The following KDM4B variants were observed in gnomAD, a reference collection of about 807,000 sequenced individuals.
KDM4B encodes lysine demethylase 4B.
Under a neutral mutation model 125.2 loss-of-function variants are expected in KDM4B, and 32 were observed. The observed-to-expected ratio is 0.26, with a 90% confidence interval of 0.19 to 0.34. KDM4B has a LOEUF of 0.34. Ranked by LOEUF, KDM4B falls within the 10% of genes least tolerant of loss-of-function variation. KDM4B has a pLI of 1.00. For synonymous variants in KDM4B, 721 were observed against 677.9 expected, an observed-to-expected ratio of 1.06 and a Z score of -0.99; for missense variants, 1,190 against 1,577.7, an observed-to-expected ratio of 0.75 and a Z score of 4.16.
At chr19:5,120,837 C>T (rs1261509089) in intron 11 of KDM4B, among the ~76,000 whole-genome samples, 1 of 152,166 alleles carries the variant, frequency 6.6e-6, no homozygotes, top group African/African-American at 2.4e-5. Flanking sequence ...CAGCCTGCCT[C>T]CCACCAAGGG....
chr19:5,005,509 C>G (rs149177485), intron 1 of KDM4B, among the ~76,000 whole-genome samples: 51 of 152,092 alleles, frequency 3.4e-4, no homozygotes, highest in African/African-American at 1.2e-3. Flanking sequence ...ATGGGGAGCC[C>G]CCTTTACAGA....
chr19:5,103,247 G>A (rs1385437444), intron 9 of KDM4B, among the ~76,000 whole-genome samples: 1 of 152,236 alleles, frequency 6.6e-6, no homozygotes, highest in Non-Finnish European at 1.5e-5. Flanking sequence ...AGCCAATTTC[G>A]CTTGGCACGA....
intron 6 of KDM4B, among the ~76,000 whole-genome samples, chr19:5,061,785 C>T (rs1012130989): frequency 1.3e-5 from 2 of 150,888 alleles, no homozygotes; most frequent in African/African-American, 2.4e-5. Flanking sequence ...GGGAGTATTG[C>T]TTGAGCCTGG....
At chr19:5,013,948 G>T (rs77587977) in intron 1 of KDM4B, among the ~76,000 whole-genome samples, 1 of 152,198 alleles carries the variant, frequency 6.6e-6, no homozygotes, top group Non-Finnish European at 1.5e-5. Context: ...GCACTTGGCC[G>T]CTCATCTGGC....
In KDM4B at chr19:5,017,876, G is replaced by A. The variant is rs543410207; in HGVS notation, c.-26+1537G>A. On this transcript the variant is annotated intron_variant, in intron 2 of 22. Transcript: ENST00000159111. ...CTGCCTCAGCCTCCCTAGTAGCTGG[G>A]ACTACACGAGCCTGCCACCACGCCC... Among the ~76,000 whole-genome samples, 13 of 151,924 alleles carry A rather than the reference G, an allele frequency of 8.6e-5. No individual in the cohort carries two copies. In the Admixed American group the frequency reaches 8.6e-4, roughly 10 times the overall value.
chr19:5,143,035 C>T (rs145592184), intron 18 of KDM4B, among the ~76,000 whole-genome samples: 2 of 152,106 alleles, frequency 1.3e-5, no homozygotes, highest in Admixed American at 6.5e-5. Flanking sequence ...TATTAAAAGC[C>T]GATGTAAAGG....
intron 1 of KDM4B, among the ~76,000 whole-genome samples, chr19:4,978,087 C>A (rs939997333): frequency 6.6e-6 from 1 of 152,152 alleles, no homozygotes; most frequent in Admixed American, 6.5e-5. Flanking sequence ...AGAAGATTGC[C>A]GTCCCTAGCA....
chr19:4,980,378 G>T (rs2034593580), intron 1 of KDM4B, among the ~76,000 whole-genome samples: 1 of 149,374 alleles, frequency 6.7e-6, no homozygotes, highest in South Asian at 2.1e-4. Context: ...TTCTCAAGGT[G>T]TATCCACGCA....
chr19:5,131,665 G>GTGGGGTGGGGC, intron 12 of KDM4B, 120 bp downstream of exon 12: 1 of 634,796 alleles, frequency 1.6e-6, no homozygotes, highest in Non-Finnish European at 2.7e-6. Flanking sequence ...GAGGGGACAG[G>GTGGGGTGGGGC]AGGGCTGACT....
intron 18 of KDM4B, among the ~76,000 whole-genome samples, chr19:5,138,924 C>T (rs779642919): frequency 1.2e-4 from 18 of 152,290 alleles, no homozygotes; most frequent in Admixed American, 2.6e-4. Context: ...CTTCTGCGAC[C>T]GGCTTCTTTC....
intron 3 of KDM4B, among the ~76,000 whole-genome samples, chr19:5,036,193 C>T (rs2036620573): frequency 6.6e-6 from 1 of 151,900 alleles, no homozygotes; most frequent in South Asian, 2.1e-4. Context: ...GTCTGCCTGC[C>T]TTGACCACTG....
chr19:5,098,759 C>A (rs1453805018), intron 9 of KDM4B, among the ~76,000 whole-genome samples: 1 of 152,064 alleles, frequency 6.6e-6, no homozygotes, highest in Non-Finnish European at 1.5e-5. Flanking sequence ...CCCTCGCCCC[C>A]TCCATCATGG....
intron 3 of KDM4B, among the ~76,000 whole-genome samples, chr19:5,034,862 A>G (rs1401905910): frequency 1.3e-5 from 2 of 152,204 alleles, no homozygotes; most frequent in Non-Finnish European, 2.9e-5. Context: ...TCTGTCGCCC[A>G]GGCTGGGGTG....
chr19:5,135,223 C>T lies in KDM4B; in HGVS notation c.2086-116C>T, dbSNP rs1043704838. ...GCTCTGGCCATCTCCCCGACCTCCC[C>T]CTCCAGAGCCAGGGGGTGTCGAAGC... On this transcript the variant is annotated intron_variant, in intron 14 of 22. Coordinates refer to ENST00000159111, the MANE Select transcript of KDM4B (RefSeq NM_015015.3). 5 of 669,700 alleles carry T rather than the reference C, an allele frequency of 7.5e-6. No individual in the cohort carries two copies. The South Asian group carries it at 7.5e-5, about 10-fold the overall frequency. 41.5% of individuals were successfully genotyped at this position (669,700 alleles called of 1,614,324 possible).
At chr19:5,133,360 G>A (rs1279586490) in intron 13 of KDM4B, among the ~76,000 whole-genome samples, 2 of 152,156 alleles carry the variant, frequency 1.3e-5, no homozygotes, top group East Asian at 1.9e-4. Context: ...ACTCCCTGTC[G>A]CACTCCTCTG....
At chr19:4,979,576 T>C (rs192784350) in intron 1 of KDM4B, among the ~76,000 whole-genome samples, 50 of 152,208 alleles carry the variant, frequency 3.3e-4, no homozygotes, top group Admixed American at 3.0e-3. Context: ...CATGGGGACA[T>C]GAGGCAGCAG....
At chr19:5,138,636 A>G (rs2039690531) in intron 18 of KDM4B, among the ~76,000 whole-genome samples, 1 of 152,028 alleles carries the variant, frequency 6.6e-6, no homozygotes, top group African/African-American at 2.4e-5. Context: ...AGCCTAGACA[A>G]CAGAGCCAGG....
At chr19:5,058,629 C>T (rs961072334) in intron 6 of KDM4B, among the ~76,000 whole-genome samples, 1 of 152,244 alleles carries the variant, frequency 6.6e-6, no homozygotes, top group Non-Finnish European at 1.5e-5. Context: ...TAGCCTCACG[C>T]TGTCTGACCA....
intron 6 of KDM4B, among the ~76,000 whole-genome samples, chr19:5,064,984 G>T (rs2145793948): frequency 6.6e-6 from 1 of 152,376 alleles, no homozygotes; most frequent in East Asian, 1.9e-4. Flanking sequence ...GAGGGGACAG[G>T]ATATTGGACC....
Sources: gnomAD v4.1 joint callset for allele counts (sites outside exome capture counted in the v4.1 genomes callset) on GRCh38, gnomAD v4.1.1 for gene constraint, MANE v1.5 for transcripts, NCBI Gene and HGNC (gene_info 2026-07-23, HGNC 2026-07-21) for gene names.